ABLIM1: variants seen among roughly 807,000 people sequenced by gnomAD.
ABLIM1 encodes the protein actin-binding LIM protein 1.
In ABLIM1, 40 loss-of-function variants were observed where a neutral mutation model predicts 107.0. The observed-to-expected ratio is 0.37, with a 90% confidence interval of 0.29 to 0.49. ABLIM1 has a LOEUF of 0.49. Among genes scored for constraint, ABLIM1 ranks in the 20% least tolerant of loss-of-function variants. The pLI is 0.97. For missense variants in ABLIM1, 857 were observed against 1,008.5 expected (o/e 0.85, Z 2.04); for synonymous variants, 357 against 357.3 (o/e 1.00, Z 0.01).
At chr10:114,642,888 C>T (rs757458116) in intron 1 of ABLIM1, among the ~76,000 whole-genome samples, 1 of 152,146 alleles carries the variant, frequency 6.6e-6, no homozygotes, top group Non-Finnish European at 1.5e-5. Context: ...GAAGCAATAC[C>T]TGGATGTCTT....
Position 114,545,116 on chromosome 10 carries a change from G to A in ABLIM1, c.801-18C>T, listed in dbSNP as rs2067150768. ...CACCATCCCTGCAAGACAAAAACGTGTTCGGCTCCTGAGGAGGTGGCCAGG... is the reference window on the plus strand; with the variant it reads ...CACCATCCCTGCAAGACAAAAACGTATTCGGCTCCTGAGGAGGTGGCCAGG... On this transcript the variant is annotated intron_variant, in intron 5 of 22. Transcript: ENST00000533213. 1 of 1,612,938 alleles carries A rather than the reference G, an allele frequency of 6.2e-7. No homozygotes were observed. The highest frequency in any genetic ancestry group is 8.5e-7 in the Non-Finnish European group (1 of 1,179,046).
At chr10:114,762,303 G>A (rs2082766191) in intron 1 of ABLIM1, among the ~76,000 whole-genome samples, 1 of 152,144 alleles carries the variant, frequency 6.6e-6, no homozygotes, top group Non-Finnish European at 1.5e-5. Flanking sequence ...AAAGTGCTGG[G>A]ATTACAGGCG....
Position 114,707,326 on chromosome 10 carries a change from AG to A in ABLIM1, c.-213+60734del, listed in dbSNP as rs1489741345. On this transcript the variant is annotated intron_variant, in intron 1 of 15. Coordinates refer to the ABLIM1 transcript ENST00000651092. The surrounding 1 kb of genome is among the most constrained non-coding windows in gnomAD (Gnocchi z 4.1). ...CAGCTCACTGCAATCTCTGCCTCCC[AG>A]GTTCAAGCGATTCTCCAGCCTCAGC... Among the ~76,000 whole-genome samples the A allele has an allele frequency of 6.6e-6, 1 of 152,104 alleles. No individual in the cohort carries two copies. Among genetic ancestry groups the A allele is most frequent in the Non-Finnish European group, 1.5e-5 (1 of 68,022 alleles).
At chr10:114,715,600 A>C (rs2081643855) in intron 1 of ABLIM1, among the ~76,000 whole-genome samples, 1 of 152,116 alleles carries the variant, frequency 6.6e-6, no homozygotes, top group Admixed American at 6.5e-5. Flanking sequence ...CTCACACACA[A>C]AGTCAGGTCG....
intron 14 of ABLIM1, among the ~76,000 whole-genome samples, chr10:114,450,638 C>T (rs1222720084): frequency 1.3e-5 from 2 of 151,774 alleles, no homozygotes; most frequent in Non-Finnish European, 2.9e-5. Flanking sequence ...GACAGGGTTT[C>T]GCTACATTGG....
At chr10:114,664,141 A>G (rs2079909600) in intron 1 of ABLIM1, among the ~76,000 whole-genome samples, 1 of 152,220 alleles carries the variant, frequency 6.6e-6, no homozygotes, top group African/African-American at 2.4e-5. Flanking sequence ...TGTGGAGTTC[A>G]GCTTTAGCTT....
At chr10:114,783,372 A>G in the ABLIM1 span, among the ~76,000 whole-genome samples, 1 of 152,148 alleles carries the variant, frequency 6.6e-6, no homozygotes, top group African/African-American at 2.4e-5. Context: ...TTTGTCAGTG[A>G]GTTTGAGATG....
intron 1 of ABLIM1, among the ~76,000 whole-genome samples, chr10:114,728,888 C>G (rs1321978214): frequency 6.6e-6 from 1 of 152,032 alleles, no homozygotes; most frequent in Non-Finnish European, 1.5e-5. Context: ...CATGCTTTTT[C>G]TGTTCTTTTC....
At chr10:114,781,637 C>T in the ABLIM1 span, among the ~76,000 whole-genome samples, 2 of 135,264 alleles carry the variant, frequency 1.5e-5, no homozygotes, top group African/African-American at 5.5e-5. Flanking sequence ...TATATATGCA[C>T]GTGTGTGTGT....
chr10:114,439,275 G>A (rs2059864660), intron 20 of ABLIM1, 25 bp from the exon 21 acceptor site: 4 of 1,613,826 alleles, frequency 2.5e-6, no homozygotes, highest in Non-Finnish European at 3.4e-6. Context: ...CCAGTTCCAG[G>A]TGAGGCATGA....
At chr10:114,583,468 CATATATATATATATATAT>C (rs140129654) in intron 2 of ABLIM1, among the ~76,000 whole-genome samples, 34 of 15,090 alleles carry the variant, frequency 2.3e-3, no homozygotes, top group South Asian at 9.3e-3. Context: ...CACACACACA[CATATATATATATATATAT>C]ATATATATAT....
At chr10:114,481,102 C>A (rs530733687) in intron 8 of ABLIM1, among the ~76,000 whole-genome samples, 2 of 152,164 alleles carry the variant, frequency 1.3e-5, no homozygotes, top group East Asian at 1.9e-4. Context: ...TGAAGACATC[C>A]TCTTCCGTTT....
chr10:114,505,647 A>G (rs561670654), intron 6 of ABLIM1, among the ~76,000 whole-genome samples: 2 of 152,356 alleles, frequency 1.3e-5, no homozygotes, highest in African/African-American at 4.8e-5. Context: ...TTTAAGTTAA[A>G]AATGTTTAAA....
intron 1 of ABLIM1, among the ~76,000 whole-genome samples, chr10:114,653,800 G>C (rs999972155): frequency 6.6e-6 from 1 of 152,132 alleles, no homozygotes; most frequent in East Asian, 1.9e-4. Flanking sequence ...TATTTTGTAT[G>C]TTCACTGATA....
At chr10:114,787,224 G>A in the ABLIM1 span, among the ~76,000 whole-genome samples, 20 of 150,426 alleles carry the variant, frequency 1.3e-4, no homozygotes, top group Non-Finnish European at 1.3e-4. Flanking sequence ...CCTGGCAACC[G>A]CCCTGTCTGA....
At chr10:114,451,051 G>T (rs551351718) in intron 14 of ABLIM1, among the ~76,000 whole-genome samples, 43 of 152,290 alleles carry the variant, frequency 2.8e-4, no homozygotes, top group African/African-American at 9.1e-4. Flanking sequence ...GGTTTTTACA[G>T]AAGAGAAAAC....
At chr10:114,695,332 T>C (rs1003565720) in intron 1 of ABLIM1, among the ~76,000 whole-genome samples, 1 of 152,178 alleles carries the variant, frequency 6.6e-6, no homozygotes, top group African/African-American at 2.4e-5. Context: ...CAACATAAGG[T>C]GCTCTCCATA....
chr10:114,710,124 C>T (rs747829842), intron 1 of ABLIM1, among the ~76,000 whole-genome samples: 3 of 152,156 alleles, frequency 2.0e-5, no homozygotes, highest in South Asian at 2.1e-4. Context: ...ACTTGCTATC[C>T]ACTTCTTTTA....
At chr10:114,503,007 C>T (rs904444071) in intron 6 of ABLIM1, among the ~76,000 whole-genome samples, 1 of 152,184 alleles carries the variant, frequency 6.6e-6, no homozygotes, top group African/African-American at 2.4e-5. Context: ...TCAATAGAAG[C>T]AAATATGTCT....
Sources: allele counts gnomAD v4.1 joint callset (sites outside exome capture counted in the v4.1 genomes callset), GRCh38; gene constraint gnomAD v4.1.1; non-coding constraint Gnocchi (gnomAD v3.1); transcripts MANE v1.5; gene names NCBI Gene and HGNC (gene_info 2026-07-23, HGNC 2026-07-21).